The following CNBD1 variants were observed in gnomAD, a reference collection of about 807,000 sequenced individuals.
CNBD1 encodes cyclic nucleotide binding domain containing 1.
Under a neutral mutation model 54.4 loss-of-function variants are expected in CNBD1, and 71 were observed. That is an observed-to-expected ratio of 1.30 (90% confidence interval 1.08 to 1.59). The LOEUF (loss-of-function observed/expected upper bound fraction) is 1.59. CNBD1 is among the 40% of genes most tolerant of loss of function. CNBD1 has a pLI of 0.00. For missense variants in CNBD1, 659 were observed against 518.0 expected (o/e 1.27, Z -2.64); for synonymous variants, 182 against 170.7 (o/e 1.07, Z -0.51).
At chr8:86,957,791 A>C (rs1807817208) in intron 4 of CNBD1, among the ~76,000 whole-genome samples, 1 of 151,960 alleles carries the variant, frequency 6.6e-6, no homozygotes, top group Non-Finnish European at 1.5e-5. Context: ...CTCTGGGTTC[A>C]TCGATTTTTT....
At chr8:87,348,215 T>C (rs1810212891) in intron 8 of CNBD1, among the ~76,000 whole-genome samples, 2 of 152,212 alleles carry the variant, frequency 1.3e-5, no homozygotes, top group Admixed American at 1.3e-4. Context: ...TCTTCTCAGA[T>C]GCACTTATCT....
At chr8:87,369,344 A>G (rs1362634824) in intron 10 of CNBD1, among the ~76,000 whole-genome samples, 1 of 151,956 alleles carries the variant, frequency 6.6e-6, no homozygotes, top group Non-Finnish European at 1.5e-5. Flanking sequence ...TGTGATTGAA[A>G]AGAGTTCCAG....
At chr8:87,000,092 G>C (rs376329119) in intron 4 of CNBD1, among the ~76,000 whole-genome samples, 48 of 151,970 alleles carry the variant, frequency 3.2e-4, no homozygotes, top group African/African-American at 1.1e-3. Flanking sequence ...GATATGGTTC[G>C]GCTCTGTGTC....
At chr8:87,228,978 A>G (rs574612235) in intron 5 of CNBD1, among the ~76,000 whole-genome samples, 2 of 152,302 alleles carry the variant, frequency 1.3e-5, no homozygotes, top group South Asian at 2.1e-4. Context: ...AAAGCGCGGT[A>G]TTCGGGTGGG....
At chr8:87,273,188 A>C (rs2130859707) in intron 6 of CNBD1, among the ~76,000 whole-genome samples, 1 of 152,118 alleles carries the variant, frequency 6.6e-6, no homozygotes, top group Non-Finnish European at 1.5e-5. Flanking sequence ...ATGTTTAGAA[A>C]ATTATGAAAT....
At chr8:86,951,736 C>T (rs1433008551) in intron 4 of CNBD1, among the ~76,000 whole-genome samples, 1 of 149,042 alleles carries the variant, frequency 6.7e-6, no homozygotes, top group Non-Finnish European at 1.5e-5. Context: ...TCTTTGTTTC[C>T]TTGTTAAGCT....
chr8:87,226,684 G>A (rs1277089754), intron 5 of CNBD1, among the ~76,000 whole-genome samples: 1 of 151,886 alleles, frequency 6.6e-6, no homozygotes, highest in East Asian at 1.9e-4. Context: ...TTTGGAATAG[G>A]TGTGGTGTGG....
chr8:87,364,064 A>G (rs1302576176), intron 10 of CNBD1, among the ~76,000 whole-genome samples: 1 of 151,602 alleles, frequency 6.6e-6, no homozygotes, highest in African/African-American at 2.4e-5. Flanking sequence ...GTTTCTCAAC[A>G]TATTGTTTTA....
rs927463825 is a variant in CNBD1, at chr8:87,382,709, A to C, written c.*82A>C. 3 of 1,070,306 alleles carry C rather than the reference A, an allele frequency of 2.8e-6. No homozygotes were observed. The highest frequency in any genetic ancestry group is 1.4e-6 in the Non-Finnish European group (1 of 729,222). The allele number at this position is 1,070,306 out of a possible 1,614,324, so 66.3% of individuals were successfully genotyped here. On this transcript the variant is annotated 3_prime_UTR_variant, in exon 11 of 11. Coordinates refer to ENST00000518476, the MANE Select transcript of CNBD1 (RefSeq NM_173538.3). ...TAATTGCATTCTGGAATACTATCAAACTACCAGCAATGAATTTGGTCTATT... is the reference window on the plus strand; with the variant it reads ...TAATTGCATTCTGGAATACTATCAACCTACCAGCAATGAATTTGGTCTATT...
chr8:86,916,209 C>A (rs753399502), intron 3 of CNBD1, among the ~76,000 whole-genome samples: 1 of 152,094 alleles, frequency 6.6e-6, no homozygotes, highest in Non-Finnish European at 1.5e-5. Flanking sequence ...GAAGGAGAGA[C>A]TGAGGCAAGT....
chr8:87,272,248 A>T (rs1230961076), intron 6 of CNBD1, among the ~76,000 whole-genome samples: 1 of 152,042 alleles, frequency 6.6e-6, no homozygotes, highest in African/African-American at 2.4e-5. Flanking sequence ...GAATGATCCT[A>T]GATAAAAAAT....
chr8:87,094,144 T>C (rs570595539), intron 4 of CNBD1, among the ~76,000 whole-genome samples: 2 of 152,294 alleles, frequency 1.3e-5, no homozygotes, highest in South Asian at 4.1e-4. Flanking sequence ...ACTGAATGAC[T>C]ATGTTGGATA....
intron 2 of CNBD1, among the ~76,000 whole-genome samples, chr8:87,426,020 G>C (rs940667956): frequency 6.6e-6 from 1 of 152,218 alleles, no homozygotes; most frequent in Non-Finnish European, 1.5e-5. Context: ...TAATCTCGTG[G>C]TGCACCGTTT....
At chr8:87,108,272 ATAC>A (rs1186500025) in intron 4 of CNBD1, among the ~76,000 whole-genome samples, 26 of 152,292 alleles carry the variant, frequency 1.7e-4, no homozygotes, top group Middle Eastern at 3.4e-3. Flanking sequence ...TGAAATCGTA[ATAC>A]TACAATTTCA....
At chr8:87,128,457 C>A (rs1812045470) in intron 4 of CNBD1, among the ~76,000 whole-genome samples, 1 of 152,162 alleles carries the variant, frequency 6.6e-6, no homozygotes, top group South Asian at 2.1e-4. Flanking sequence ...AGCCACACCC[C>A]TGTTGCAAGT....
At chr8:86,892,527 A>G (rs1298485794) in intron 2 of CNBD1, among the ~76,000 whole-genome samples, 4 of 152,194 alleles carry the variant, frequency 2.6e-5, no homozygotes, top group East Asian at 1.9e-4. Flanking sequence ...AGAGTACCCA[A>G]TTTTCCCTCA....
chr8:87,092,639 C>T (rs1352679222), intron 4 of CNBD1, among the ~76,000 whole-genome samples: 1 of 151,566 alleles, frequency 6.6e-6, no homozygotes, highest in African/African-American at 2.4e-5. Context: ...TCTCTGTTGG[C>T]TCCTCTTCCT....
intron 4 of CNBD1, among the ~76,000 whole-genome samples, chr8:87,046,438 T>C (rs1810192262): frequency 6.6e-6 from 1 of 152,210 alleles, no homozygotes; most frequent in Admixed American, 6.5e-5. Flanking sequence ...GCACAGATTA[T>C]GAATTCCATC....
intron 8 of CNBD1, among the ~76,000 whole-genome samples, chr8:87,335,403 A>G (rs570962945): frequency 3.8e-4 from 58 of 152,222 alleles, no homozygotes; most frequent in African/African-American, 1.1e-3. Flanking sequence ...TTGGGTGTAT[A>G]TATATTTAGA....
Sources: gnomAD v4.1 joint callset for allele counts (sites outside exome capture counted in the v4.1 genomes callset) on GRCh38, gnomAD v4.1.1 for gene constraint, MANE v1.5 for transcripts, NCBI Gene and HGNC (gene_info 2026-07-23, HGNC 2026-07-21) for gene names.